The following NAALADL2 variants were observed in gnomAD, a reference collection of about 807,000 sequenced individuals.
NAALADL2 encodes the protein inactive N-acetylated-alpha-linked acidic dipeptidase-like protein 2.
Under a neutral mutation model 87.2 loss-of-function variants are expected in NAALADL2, and 76 were observed. The observed-to-expected ratio is 0.87, with a 90% CI of 0.72 to 1.05. The LOEUF (loss-of-function observed/expected upper bound fraction) is 1.05. Among genes scored for constraint, NAALADL2 ranks in the 50% least tolerant of loss-of-function variants. The pLI is 0.00. For missense variants in NAALADL2, 1,089 were observed against 945.8 expected, an observed-to-expected ratio of 1.15 and a Z score of -1.99; for synonymous variants, 354 against 331.0, an observed-to-expected ratio of 1.07 and a Z score of -0.75.
At chr3:175,313,986 C>T (rs531624746) in intron 4 of NAALADL2, among the ~76,000 whole-genome samples, 13 of 148,328 alleles carry the variant, frequency 8.8e-5, no homozygotes, top group African/African-American at 2.2e-4. Flanking sequence ...TGCTTGAACC[C>T]GGGAGGCGGA....
intron 2 of NAALADL2, among the ~76,000 whole-genome samples, chr3:174,728,336 G>A (rs1732396877): frequency 6.6e-6 from 1 of 152,032 alleles, no homozygotes; most frequent in African/African-American, 2.4e-5. Flanking sequence ...AGCCTTTAAA[G>A]GGAATGGTAA....
chr3:174,850,553 A>G (rs890615733), intron 3 of NAALADL2, among the ~76,000 whole-genome samples: 3 of 152,198 alleles, frequency 2.0e-5, no homozygotes, highest in Admixed American at 1.3e-4. Context: ...AAATAGGTAA[A>G]TTAAGCTGGA....
At chr3:174,660,546 T>C (rs1725408330) in intron 2 of NAALADL2, among the ~76,000 whole-genome samples, 1 of 152,260 alleles carries the variant, frequency 6.6e-6, no homozygotes, top group Non-Finnish European at 1.5e-5. Flanking sequence ...TCGCGTCCCG[T>C]TTTCATATAA....
chr3:175,413,462 C>T (rs931170805), intron 5 of NAALADL2, among the ~76,000 whole-genome samples: 2 of 149,266 alleles, frequency 1.3e-5, no homozygotes, highest in Non-Finnish European at 3.0e-5. Flanking sequence ...CCCAGCTACT[C>T]GGGAGGCTGA....
intron 9 of NAALADL2, among the ~76,000 whole-genome samples, chr3:175,567,170 A>G (rs116043003): frequency 0.012 from 1,818 of 152,262 alleles, 35 homozygotes; most frequent in African/African-American, 0.041. Flanking sequence ...TAAAAGAACA[A>G]ACCTGTTTTT....
At chr3:175,133,727 G>A (rs1728636846) in intron 2 of NAALADL2, among the ~76,000 whole-genome samples, 2 of 152,088 alleles carry the variant, frequency 1.3e-5, no homozygotes, top group Non-Finnish European at 2.9e-5. Context: ...AGAGGGAGAG[G>A]GAGACCGTGG....
intron 2 of NAALADL2, among the ~76,000 whole-genome samples, chr3:175,195,091 G>T (rs539404551): frequency 1.1e-4 from 17 of 151,328 alleles, no homozygotes; most frequent in South Asian, 1.0e-3. Flanking sequence ...ATATGACCAG[G>T]TTAATTCCAC....
intron 1 of NAALADL2, among the ~76,000 whole-genome samples, chr3:174,935,062 G>A (rs1737486108): frequency 6.6e-6 from 1 of 152,062 alleles, no homozygotes; most frequent in South Asian, 2.1e-4. Context: ...ATTAGCTTAT[G>A]CAACTTCAGA....
At chr3:174,483,199 A>C (rs936153099) in intron 1 of NAALADL2, among the ~76,000 whole-genome samples, 51 of 152,156 alleles carry the variant, frequency 3.4e-4, no homozygotes, top group African/African-American at 1.1e-3. Flanking sequence ...TAACAATGCT[A>C]TGAAGAAATA....
At chr3:175,535,667 G>C (rs1173021961) in intron 9 of NAALADL2, among the ~76,000 whole-genome samples, 2 of 152,164 alleles carry the variant, frequency 1.3e-5, no homozygotes, top group Non-Finnish European at 2.9e-5. Context: ...TCAAGGGTGA[G>C]AAAGGGATAA....
intron 1 of NAALADL2, among the ~76,000 whole-genome samples, chr3:175,067,008 T>A (rs1199429250): frequency 6.6e-6 from 1 of 152,178 alleles, no homozygotes; most frequent in East Asian, 1.9e-4. Context: ...AAGCACTCAA[T>A]ACTGAATCCT....
intron 9 of NAALADL2, among the ~76,000 whole-genome samples, chr3:175,483,910 T>C (rs1045367380): frequency 6.6e-6 from 1 of 152,060 alleles, no homozygotes; most frequent in Admixed American, 6.6e-5. Flanking sequence ...TATTGATTAT[T>C]ATATTGTTTT....
chr3:175,174,510 T>G (rs866156706), intron 2 of NAALADL2, among the ~76,000 whole-genome samples: 1 of 152,084 alleles, frequency 6.6e-6, no homozygotes, highest in Admixed American at 6.6e-5. Context: ...AAAAAAATTA[T>G]ATTCTGATAA....
chr3:175,060,035 C>G (rs1713094406), intron 1 of NAALADL2: 1 of 388,878 alleles, frequency 2.6e-6, no homozygotes, highest in Non-Finnish European at 5.1e-6. Flanking sequence ...CCCATGGTGT[C>G]AGCTGTATTT....
intron 9 of NAALADL2, 35 bp from the exon 10 acceptor site, chr3:175,576,006 T>C (rs752768193): frequency 1.1e-5 from 18 of 1,565,406 alleles, no homozygotes; most frequent in Non-Finnish European, 1.5e-5. Flanking sequence ...CTGGGAAGCA[T>C]AGTATGTGTT....
intron 12 of NAALADL2, among the ~76,000 whole-genome samples, chr3:175,749,412 C>T (rs1417159911): frequency 1.3e-5 from 2 of 152,142 alleles, no homozygotes; most frequent in Admixed American, 1.3e-4. Context: ...ATTTATTTCT[C>T]ACTGTTCTGG....
At chr3:175,004,376 CAA>C (rs538715061) in intron 1 of NAALADL2, among the ~76,000 whole-genome samples, 533 of 33,666 alleles carry the variant, frequency 0.016, 1 homozygote, top group African/African-American at 0.027. Context: ...GAGACTATTT[CAA>C]AAAAAAAAAA....
chr3:174,552,078 C>A (rs1324474537), intron 2 of NAALADL2, among the ~76,000 whole-genome samples: 1 of 152,110 alleles, frequency 6.6e-6, no homozygotes, highest in Admixed American at 6.5e-5. Flanking sequence ...CTTGTGGATA[C>A]TAATCGTATT....
intron 9 of NAALADL2, among the ~76,000 whole-genome samples, chr3:175,493,224 T>C (rs1228728678): frequency 6.6e-6 from 1 of 152,110 alleles, no homozygotes; most frequent in Admixed American, 6.6e-5. Context: ...AATTTGATAG[T>C]AAGCACATTA....
Sources: gnomAD v4.1 joint callset for allele counts (sites outside exome capture counted in the v4.1 genomes callset) on GRCh38, gnomAD v4.1.1 for gene constraint, MANE v1.5 for transcripts, NCBI Gene and HGNC (gene_info 2026-07-23, HGNC 2026-07-21) for gene names.